MTUS2: variants seen among roughly 807,000 people sequenced by gnomAD.
The protein encoded by MTUS2 is microtubule-associated tumor suppressor candidate 2.
MTUS2 carries 40 observed loss-of-function variants against 114.1 expected under a neutral mutation model. That is an observed-to-expected ratio of 0.35 (90% CI 0.27 to 0.46). MTUS2 has a LOEUF of 0.46. MTUS2 is among the 20% of genes least tolerant of loss of function. MTUS2 has a pLI of 1.00. For missense variants in MTUS2, 1,679 were observed against 1,705.4 expected (o/e 0.98, Z 0.27); for synonymous variants, 688 against 672.0 (o/e 1.02, Z -0.37).
intron 6 of MTUS2, among the ~76,000 whole-genome samples, chr13:29,282,895 T>A (rs1898331255): frequency 6.6e-6 from 1 of 152,244 alleles, no homozygotes. Flanking sequence ...TTTCAGTGGC[T>A]GCATGCTGTG....
intron 10 of MTUS2, chr13:29,485,161 A>G (rs926577097): frequency 6.6e-6 from 1 of 152,658 alleles, no homozygotes; most frequent in Non-Finnish European, 1.5e-5. Flanking sequence ...GAGCACTTTT[A>G]TCTTTGATTT....
At chr13:28,858,279 G>A (rs1198428840) in intron 2 of MTUS2, among the ~76,000 whole-genome samples, 2 of 152,090 alleles carry the variant, frequency 1.3e-5, no homozygotes, top group Non-Finnish European at 2.9e-5. Flanking sequence ...TTATACTGGG[G>A]TTATGGCTCA....
In MTUS2 at chr13:29,501,087, T is replaced by C; in HGVS notation, c.3799-10T>C. On this transcript the variant is annotated splice_polypyrimidine_tract_variant and intron_variant, in intron 14 of 15. Transcript: ENST00000612955. Reference sequence around the variant, plus strand: ...TTGCTAGAACCTCTTAAACACTGTTTCCTTTGTAGGCAGAAAAGAACATTA... The same window carrying C: ...TTGCTAGAACCTCTTAAACACTGTTCCCTTTGTAGGCAGAAAAGAACATTA... The C allele has an allele frequency of 6.2e-7, 1 of 1,612,946 alleles. No homozygotes were observed. Among genetic ancestry groups the C allele is most frequent in the Non-Finnish European group, 8.5e-7 (1 of 1,179,078 alleles).
In MTUS2 at chr13:28,993,787, T is replaced by C. The variant is rs73441319; in HGVS notation, c.-242-30670T>C. ...TGTGTGTCTATTTTTGTACCATATG[T>C]TACTGTCTTCTTTTTTGCTTGGTTG... On this transcript the variant is annotated intron_variant, in intron 2 of 15. Coordinates refer to ENST00000612955, the MANE Select transcript of MTUS2 (RefSeq NM_001033602.4). Among the ~76,000 whole-genome samples the C allele has an allele frequency of 2.9e-3, 439 of 152,242 alleles. 3 individuals are homozygous for C. Among genetic ancestry groups the C allele is most frequent in the Middle Eastern group, 0.024 (7 of 294 alleles).
At chr13:28,943,482 A>T (rs1421960841) in intron 2 of MTUS2, among the ~76,000 whole-genome samples, 1 of 152,188 alleles carries the variant, frequency 6.6e-6, no homozygotes, top group Non-Finnish European at 1.5e-5. Flanking sequence ...TGAGTTGCCA[A>T]ATGTGGCTAG....
At chr13:29,356,676 G>A (rs1246972497) in intron 7 of MTUS2, among the ~76,000 whole-genome samples, 1 of 152,224 alleles carries the variant, frequency 6.6e-6, no homozygotes, top group African/African-American at 2.4e-5. Context: ...AAGACTGCCA[G>A]TGACAGTACG....
intron 2 of MTUS2, among the ~76,000 whole-genome samples, chr13:28,932,142 C>G (rs1248281455): frequency 6.6e-5 from 10 of 152,122 alleles, no homozygotes; most frequent in Non-Finnish European, 1.5e-4. Context: ...AGCTCACTGA[C>G]CAATGGCTAT....
At position 29,222,202 on chromosome 13, in the gene MTUS2, T is replaced by C. The variant is rs191806858; in HGVS notation, c.2645-59502T>C. On this transcript the variant is annotated intron_variant, in intron 5 of 15. Coordinates refer to ENST00000612955, the MANE Select transcript of MTUS2 (RefSeq NM_001033602.4). ...TGCACATGTCCGTGGTTAACTGCTG[T>C]GTCATTGATTTTACTTGTGTGTAGG... Among the ~76,000 whole-genome samples the C allele has an allele frequency of 6.9e-4, 105 of 152,356 alleles. 1 individual carries two copies. The East Asian group carries it at 0.019, about 28-fold the overall frequency.
intron 5 of MTUS2, among the ~76,000 whole-genome samples, chr13:29,274,123 T>C (rs1897975362): frequency 6.6e-6 from 1 of 152,132 alleles, no homozygotes; most frequent in Non-Finnish European, 1.5e-5. Context: ...TGTTTGTTTG[T>C]TTGTTTTTGA....
At chr13:29,163,938 C>G (rs1327477863) in intron 5 of MTUS2, among the ~76,000 whole-genome samples, 1 of 152,124 alleles carries the variant, frequency 6.6e-6, no homozygotes, top group Non-Finnish European at 1.5e-5. Context: ...TTTGCTTGAC[C>G]TTGCTTGCCC....
intron 4 of MTUS2, among the ~76,000 whole-genome samples, chr13:29,098,600 G>C (rs1022890574): frequency 2.0e-5 from 3 of 152,112 alleles, no homozygotes; most frequent in Non-Finnish European, 4.4e-5. Context: ...GGGATCTTGT[G>C]CTGCTTGTCC....
In MTUS2 at chr13:29,503,742, G is replaced by GAA. The variant is rs10624110; in HGVS notation, c.*546_*547dup. The GAA allele has an allele frequency of 0.19, 39,499 of 203,842 alleles. 2,840 individuals are homozygous for GAA. The highest frequency in any genetic ancestry group is 0.24 in the Middle Eastern group (143 of 608). 12.6% of individuals were successfully genotyped at this position (203,842 alleles called of 1,614,324 possible). On this transcript the variant is annotated 3_prime_UTR_variant, in exon 16 of 16. Transcript: ENST00000612955. ...ATATTTCTACCCAAAATAGAAAAAGGAAAAAAAAAAAGATACAGAGAAGAA... is the reference window on the plus strand; with the variant it reads ...ATATTTCTACCCAAAATAGAAAAAGGAAAAAAAAAAAAAGATACAGAGAAGAA...
intron 5 of MTUS2, among the ~76,000 whole-genome samples, chr13:29,133,315 C>T (rs902212487): frequency 2.0e-5 from 3 of 152,016 alleles, no homozygotes; most frequent in African/African-American, 7.2e-5. Flanking sequence ...TGTGGGTTGC[C>T]TTTTAATCTG....
intron 5 of MTUS2, among the ~76,000 whole-genome samples, chr13:29,178,775 T>C (rs777889559): frequency 1.1e-4 from 17 of 152,226 alleles, no homozygotes; most frequent in Admixed American, 3.3e-4. Flanking sequence ...CTTATCATTT[T>C]TCCTGTCTTT....
chr13:29,363,745 A>G (rs1023882217), intron 8 of MTUS2, among the ~76,000 whole-genome samples: 2 of 152,156 alleles, frequency 1.3e-5, no homozygotes, highest in African/African-American at 4.8e-5. Context: ...ATATTAGTAG[A>G]CAATCTTTAG....
At chr13:29,383,740 C>T (rs1256156836) in intron 8 of MTUS2, among the ~76,000 whole-genome samples, 3 of 113,088 alleles carry the variant, frequency 2.7e-5, no homozygotes, top group African/African-American at 5.5e-5. Context: ...GCCAAGAGCA[C>T]GGACTGTGCC....
chr13:29,289,283 C>T (rs1898610927), intron 6 of MTUS2, among the ~76,000 whole-genome samples: 1 of 151,826 alleles, frequency 6.6e-6, no homozygotes, highest in African/African-American at 2.4e-5. Flanking sequence ...TGCAGAGAGG[C>T]TGGGTGGACA....
At chr13:28,846,463 C>T (rs1875893867) in intron 2 of MTUS2, among the ~76,000 whole-genome samples, 1 of 152,222 alleles carries the variant, frequency 6.6e-6, no homozygotes, top group Admixed American at 6.5e-5. Context: ...TCCATCAAGT[C>T]AAAAGCTGTG....
chr13:29,156,185 T>C (rs1247290678), intron 5 of MTUS2, among the ~76,000 whole-genome samples: 2 of 152,148 alleles, frequency 1.3e-5, no homozygotes, highest in Admixed American at 6.6e-5. Context: ...GAACAAATTA[T>C]GTCATGTTAA....
Sources: gnomAD v4.1 joint callset for allele counts (sites outside exome capture counted in the v4.1 genomes callset) on GRCh38, gnomAD v4.1.1 for gene constraint, MANE v1.5 for transcripts, NCBI Gene and HGNC (gene_info 2026-07-23, HGNC 2026-07-21) for gene names.